The following LITAF variants were observed in gnomAD, a reference collection of about 807,000 sequenced individuals.
LITAF encodes lipopolysaccharide induced TNF factor.
LITAF carries 9 observed loss-of-function variants against 14.5 expected under a neutral mutation model. That is an observed-to-expected ratio of 0.62 (90% CI 0.37 to 1.08). LITAF has a LOEUF of 1.08. Ranked by LOEUF, LITAF falls within the 50% of genes least tolerant of loss-of-function variation. The pLI is 0.01. For synonymous variants in LITAF, 98 were observed against 88.2 expected, an observed-to-expected ratio of 1.11 and a Z score of -0.62; for missense variants, 206 against 213.4, an observed-to-expected ratio of 0.97 and a Z score of 0.22.
At chr16:11,582,423 A>C (rs1224264551) in intron 1 of LITAF, among the ~76,000 whole-genome samples, 1 of 152,006 alleles carries the variant, frequency 6.6e-6, no homozygotes, top group Non-Finnish European at 1.5e-5. Context: ...ACTGTTTTCT[A>C]CATTTGGGTA....
intron 2 of LITAF, chr16:11,556,162 C>G (rs1367590458): frequency 1.6e-5 from 7 of 434,202 alleles, no homozygotes; most frequent in African/African-American, 6.0e-5. Flanking sequence ...TCGGCCCTGG[C>G]CTCAGGGCAG....
intron 1 of LITAF, among the ~76,000 whole-genome samples, chr16:11,596,886 G>A (rs1003853774): frequency 6.6e-6 from 1 of 151,870 alleles, no homozygotes; most frequent in Non-Finnish European, 1.5e-5. Context: ...TACCCACTGG[G>A]TGCCAGGCCC....
chr16:11,553,550 C>T lies in LITAF; in HGVS notation c.360G>A (p.Gly120=). Residue 120 remains glycine, a synonymous_variant, in exon 3 of 4, where the codon GGG becomes GGA. Coordinates refer to ENST00000622633, the MANE Select transcript of LITAF (RefSeq NM_001136472.2). The surrounding 1 kb of genome is among the most constrained non-coding windows in gnomAD (Gnocchi z 7.7). ...AGACTCACCCCAGCAGGCACAGGCT[C>T]CCGCAGGACAGCCAGGTCAGAGCAC... ...NAGALTWLSC[G]SLCLLGCIAG... 6.2e-7 allele frequency: 1 copy of T among 1,614,110 alleles called. No homozygotes were observed. Among genetic ancestry groups the T allele is most frequent in the Non-Finnish European group, 8.5e-7 (1 of 1,180,026 alleles).
upstream of LITAF, among the ~76,000 whole-genome samples, chr16:11,638,677 G>T: frequency 7.6e-6 from 1 of 130,882 alleles, no homozygotes; most frequent in African/African-American, 2.8e-5. Context: ...CTCCAGCCTG[G>T]GCCGACAGAG....
intron 3 of LITAF, among the ~76,000 whole-genome samples, chr16:11,614,200 G>C (rs1351846482): frequency 6.6e-6 from 1 of 152,144 alleles, no homozygotes; most frequent in African/African-American, 2.4e-5. Flanking sequence ...CAGTTCTGGA[G>C]GCTAGAAGTC....
intron 1 of LITAF, among the ~76,000 whole-genome samples, chr16:11,568,943 G>C (rs1047144667): frequency 3.9e-5 from 6 of 151,968 alleles, no homozygotes; most frequent in Non-Finnish European, 7.4e-5. Context: ...GCCTCCCAAA[G>C]TGCTGGAATT....
chr16:11,550,960 C>T (rs1038923380), intron 3 of LITAF, among the ~76,000 whole-genome samples: 1 of 152,150 alleles, frequency 6.6e-6, no homozygotes, highest in Non-Finnish European at 1.5e-5. Context: ...TTGCCAACCC[C>T]CGTCTTACTG....
chr16:11,581,680 A>C (rs1268361973), intron 1 of LITAF, among the ~76,000 whole-genome samples: 1 of 152,150 alleles, frequency 6.6e-6, no homozygotes, highest in Non-Finnish European at 1.5e-5. Context: ...GTGGGGGGTA[A>C]AGGAGAGTTT....
chr16:11,557,419 T>C (rs188563496), intron 1 of LITAF, among the ~76,000 whole-genome samples: 155 of 152,304 alleles, frequency 1.0e-3, no homozygotes, highest in African/African-American at 3.5e-3. Flanking sequence ...TTAAAATGTA[T>C]ATACTTTTTT....
In LITAF at chr16:11,558,624, C is replaced by T. The variant is rs1462204742; in HGVS notation, c.-5-1889G>A. On this transcript the variant is annotated intron_variant, in intron 1 of 3. Coordinates refer to ENST00000622633, the MANE Select transcript of LITAF (RefSeq NM_001136472.2). This position sits in a 1 kb window ranked among gnomAD's most constrained non-coding sequence, Gnocchi z 4.1. The stretch of plus-strand genomic sequence containing the variant: ...TTAGGAGGCTGAGGCAGGAGGATTG[C>T]TTAATCCTAGGAGGTTGAGGCTGCA... Among the ~76,000 whole-genome samples, 1 of 152,044 alleles carries T rather than the reference C, an allele frequency of 6.6e-6. No individual in the cohort carries two copies. The highest frequency in any genetic ancestry group is 1.5e-5 in the Non-Finnish European group (1 of 67,966).
chr16:11,568,559 T>A (rs1351793354), intron 1 of LITAF, among the ~76,000 whole-genome samples: 1 of 152,020 alleles, frequency 6.6e-6, no homozygotes, highest in Non-Finnish European at 1.5e-5. Flanking sequence ...CCCAAAGATG[T>A]CACAACGTCA....
At chr16:11,561,457 T>TC (rs1453119236) in intron 1 of LITAF, 1 of 152,174 alleles carries the variant, frequency 6.6e-6, no homozygotes, top group Non-Finnish European at 1.5e-5. Flanking sequence ...CCACCGCCTC[T>TC]CCCCCTTTAT....
At chr16:11,612,659 C>T (rs1597371242) in intron 3 of LITAF, among the ~76,000 whole-genome samples, 1 of 152,150 alleles carries the variant, frequency 6.6e-6, no homozygotes, top group Admixed American at 6.5e-5. Flanking sequence ...GACCTTCCCA[C>T]CCCACTCCCA....
At position 11,553,652 on chromosome 16, in the gene LITAF, G is replaced by T; in HGVS notation, c.258C>A (p.Thr86=). The change falls in exon 3 of 4, where the codon ACC becomes ACA. Residue 86 remains threonine, a synonymous_variant. Transcript: ENST00000622633. The surrounding 1 kb of genome is among the most constrained non-coding windows in gnomAD (Gnocchi z 7.7). The stretch of plus-strand genomic sequence containing the variant: ...ACATTTGGATAGGGCGGTCCAAAAA[G>T]GTGATGGGGTGCTGCACGTAGACCG... The part of the protein sequence containing the change: ...VQTVYVQHPI[T]FLDRPIQMCC... 1.2e-6 allele frequency: 2 copies of T among 1,614,164 alleles called. No individual in the cohort carries two copies. The highest frequency in any genetic ancestry group is 1.7e-6 in the Non-Finnish European group (2 of 1,180,032).
At chr16:11,592,974 T>A (rs965236153) in intron 1 of LITAF, among the ~76,000 whole-genome samples, 1 of 152,122 alleles carries the variant, frequency 6.6e-6, no homozygotes, top group South Asian at 2.1e-4. Flanking sequence ...ATCGAGACCA[T>A]CCTGGCTAAC....
intron 1 of LITAF, among the ~76,000 whole-genome samples, chr16:11,571,107 GC>G (rs539170712): frequency 6.6e-6 from 1 of 152,134 alleles, no homozygotes; most frequent in East Asian, 1.9e-4. Flanking sequence ...TCACTCTGTC[GC>G]CCAGGCTGGA....
upstream of LITAF, among the ~76,000 whole-genome samples, chr16:11,590,381 A>G (rs1444534316): frequency 4.2e-5 from 5 of 117,950 alleles, 2 homozygotes; most frequent in Non-Finnish European, 3.4e-5. Flanking sequence ...TGATGGTTCA[A>G]TTATGATTTT....
chr16:11,636,085 C>T (rs1223456646), intron 1 of LITAF: 3 of 152,184 alleles, frequency 2.0e-5, no homozygotes, highest in Non-Finnish European at 4.4e-5. Flanking sequence ...GTGGGGCTAC[C>T]CAGGCTCTGA....
chr16:11,613,063 G>A (rs1452726450), intron 3 of LITAF, among the ~76,000 whole-genome samples: 1 of 151,954 alleles, frequency 6.6e-6, no homozygotes, highest in African/African-American at 2.4e-5. Flanking sequence ...TGTTTTAGAT[G>A]GAGTTTCGCT....
Sources: gnomAD v4.1 joint callset for allele counts (sites outside exome capture counted in the v4.1 genomes callset) on GRCh38, gnomAD v4.1.1 for gene constraint, Gnocchi (gnomAD v3.1) non-coding constraint, MANE v1.5 for transcripts, NCBI Gene and HGNC (gene_info 2026-07-23, HGNC 2026-07-21) for gene names.